The following PXDNL variants were observed in gnomAD, a reference collection of about 807,000 sequenced individuals.
The protein encoded by PXDNL is peroxidasin like.
In PXDNL, 145 loss-of-function variants were observed where a neutral mutation model predicts 150.8. The observed-to-expected ratio is 0.96, with a 90% CI of 0.84 to 1.10. The LOEUF (loss-of-function observed/expected upper bound fraction) is 1.10. Ranked by LOEUF, PXDNL falls within the 50% of genes least tolerant of loss-of-function variation. The probability of loss-of-function intolerance (pLI) is 0.00; values close to 1 mark genes in which losing one functional copy is unlikely to be tolerated. For synonymous variants in PXDNL, 757 were observed against 725.7 expected, an observed-to-expected ratio of 1.04 and a Z score of -0.69; for missense variants, 2,087 against 1,873.9, an observed-to-expected ratio of 1.11 and a Z score of -2.10.
At chr8:51,578,150 A>AAGAGAG in intron 3 of PXDNL, among the ~76,000 whole-genome samples, 1 of 77,368 alleles carries the variant, frequency 1.3e-5, no homozygotes, top group Non-Finnish European at 2.2e-5. Flanking sequence ...GAGAGAGAGA[A>AAGAGAG]AGAAAGAGAA....
intron 2 of PXDNL, among the ~76,000 whole-genome samples, chr8:51,612,894 T>A (rs2130718265): frequency 6.6e-6 from 1 of 152,326 alleles, no homozygotes; most frequent in East Asian, 1.9e-4. Flanking sequence ...TTTTCCTTGT[T>A]TTTCTACACC....
At chr8:51,764,409 T>C (rs754417755) in intron 1 of PXDNL, among the ~76,000 whole-genome samples, 1 of 151,720 alleles carries the variant, frequency 6.6e-6, no homozygotes, top group African/African-American at 2.4e-5. Flanking sequence ...AGTTTATTTA[T>C]TTGATGTCTT....
At chr8:51,802,103 A>AT (rs796766538) in intron 1 of PXDNL, among the ~76,000 whole-genome samples, 61 of 147,580 alleles carry the variant, frequency 4.1e-4, no homozygotes, top group Middle Eastern at 7.0e-3. Context: ...TTTAGTTCTG[A>AT]TTTTTTTTTT....
At chr8:51,629,108 A>G (rs1814432311) in intron 2 of PXDNL, among the ~76,000 whole-genome samples, 1 of 152,324 alleles carries the variant, frequency 6.6e-6, no homozygotes, top group African/African-American at 2.4e-5. Flanking sequence ...TATGCTTTAA[A>G]AAAAGCCAAA....
chr8:51,377,101 C>T (rs1807342879), intron 17 of PXDNL, among the ~76,000 whole-genome samples: 2 of 123,486 alleles, frequency 1.6e-5, no homozygotes. Context: ...GGCACTCTAC[C>T]CTTTACACAC....
chr8:51,677,838 C>G (rs80012897), intron 1 of PXDNL, among the ~76,000 whole-genome samples: 2,093 of 152,232 alleles, frequency 0.014, 48 homozygotes, highest in African/African-American at 0.047. Context: ...AAATATAGAA[C>G]CTTCAGTTTA....
intron 1 of PXDNL, among the ~76,000 whole-genome samples, chr8:51,696,204 C>A (rs1338190154): frequency 6.6e-6 from 1 of 152,098 alleles, no homozygotes; most frequent in African/African-American, 2.4e-5. Flanking sequence ...ATGTTGAAGC[C>A]CTAAACCCCC....
chr8:51,615,427 ACT>A (rs1814111311), intron 2 of PXDNL, among the ~76,000 whole-genome samples: 1 of 152,138 alleles, frequency 6.6e-6, no homozygotes, highest in African/African-American at 2.4e-5. Context: ...GTGATGTCAG[ACT>A]ACACCATATT....
chr8:51,477,506 T>C (rs766024023), intron 6 of PXDNL, among the ~76,000 whole-genome samples: 2 of 152,246 alleles, frequency 1.3e-5, no homozygotes, highest in Non-Finnish European at 2.9e-5. Context: ...ACTGACTGAC[T>C]TATTGTACCA....
At chr8:51,689,011 C>A (rs1054901621) in intron 1 of PXDNL, among the ~76,000 whole-genome samples, 1 of 152,180 alleles carries the variant, frequency 6.6e-6, no homozygotes, top group East Asian at 1.9e-4. Flanking sequence ...TCCCTTGCCA[C>A]GCCATTAGGA....
At chr8:51,446,901 T>C in intron 12 of PXDNL, 103 bp downstream of exon 12, 2 of 850,870 alleles carry the variant, frequency 2.4e-6, no homozygotes, top group Non-Finnish European at 3.6e-6. Flanking sequence ...TGACTATATA[T>C]ATATATATAG....
At chr8:51,398,802 A>ACCC (rs148980572) in intron 17 of PXDNL, among the ~76,000 whole-genome samples, 4,040 of 152,256 alleles carry the variant, frequency 0.027, 210 homozygotes, top group African/African-American at 0.091. Context: ...AAAGTAATGA[A>ACCC]CCCCTGAATG....
At chr8:51,677,902 C>A (rs1361700739) in intron 1 of PXDNL, among the ~76,000 whole-genome samples, 6 of 152,180 alleles carry the variant, frequency 3.9e-5, no homozygotes, top group Non-Finnish European at 7.3e-5. Context: ...TGGGTTCCAG[C>A]TAATACTGCT....
chr8:51,552,475 T>C (rs1231659384), intron 4 of PXDNL, among the ~76,000 whole-genome samples: 1 of 152,138 alleles, frequency 6.6e-6, no homozygotes, highest in Non-Finnish European at 1.5e-5. Flanking sequence ...GTGGTATATA[T>C]ATATACCATG....
intron 3 of PXDNL, among the ~76,000 whole-genome samples, chr8:51,558,830 T>C (rs1010424630): frequency 1.3e-5 from 2 of 152,080 alleles, no homozygotes; most frequent in African/African-American, 4.8e-5. Context: ...AACAGGTTTG[T>C]ATGCTCGCTG....
At chr8:51,512,985 A>G (rs958338342) in intron 4 of PXDNL, among the ~76,000 whole-genome samples, 2 of 152,232 alleles carry the variant, frequency 1.3e-5, no homozygotes, top group Admixed American at 1.3e-4. Flanking sequence ...AAGGCAAGGA[A>G]GGCATCCTGG....
intron 1 of PXDNL, among the ~76,000 whole-genome samples, chr8:51,700,744 A>T (rs1046743455): frequency 3.3e-5 from 5 of 151,728 alleles, no homozygotes; most frequent in African/African-American, 7.3e-5. Context: ...ACATACACTT[A>T]TACATACTCA....
intron 3 of PXDNL, among the ~76,000 whole-genome samples, chr8:51,588,336 AAAATTTACTGCAGTGGGTACATG>A (rs1813371417): frequency 6.6e-6 from 1 of 152,222 alleles, no homozygotes; most frequent in Non-Finnish European, 1.5e-5. Flanking sequence ...AAAACATGGC[AAAATTTACTGCAGTGGGTACATG>A]AATGTGTTCA....
intron 1 of PXDNL, among the ~76,000 whole-genome samples, chr8:51,743,407 C>A (rs2036928424): frequency 6.6e-6 from 1 of 151,598 alleles, no homozygotes; most frequent in African/African-American, 2.4e-5. Flanking sequence ...AAGACAGAGT[C>A]TTGCTCTGTC....
Sources: allele counts gnomAD v4.1 joint callset (sites outside exome capture counted in the v4.1 genomes callset), GRCh38; gene constraint gnomAD v4.1.1; transcripts MANE v1.5; gene names NCBI Gene and HGNC (gene_info 2026-07-23, HGNC 2026-07-21).